Variants in CCBE1 observed in about 807,000 individuals in gnomAD.
CCBE1 encodes collagen and calcium-binding EGF domain-containing protein 1.
Under a neutral mutation model 50.0 loss-of-function variants are expected in CCBE1, and 37 were observed. The ratio of observed to expected loss-of-function variants is 0.74; its 90% CI spans 0.57 to 0.97. The LOEUF is 0.97. Among genes scored for constraint, CCBE1 ranks in the 50% least tolerant of loss-of-function variants. The probability of loss-of-function intolerance (pLI) is 0.00; values close to 1 mark genes in which losing one functional copy is unlikely to be tolerated. For synonymous variants in CCBE1, 234 were observed against 203.7 expected, an observed-to-expected ratio of 1.15 and a Z score of -1.27; for missense variants, 538 against 523.8, an observed-to-expected ratio of 1.03 and a Z score of -0.26.
chr18:59,491,362 T>C (rs1483241319), intron 2 of CCBE1, among the ~76,000 whole-genome samples: 1 of 152,210 alleles, frequency 6.6e-6, no homozygotes, highest in East Asian at 1.9e-4. Flanking sequence ...TTGTAGGATT[T>C]ATACCCTCAC....
At chr18:59,452,056 G>A (rs907852695) in intron 6 of CCBE1, among the ~76,000 whole-genome samples, 1 of 152,154 alleles carries the variant, frequency 6.6e-6, no homozygotes, top group Non-Finnish European at 1.5e-5. Flanking sequence ...GGTCCTTTAA[G>A]TTTCCTGTTG....
At chr18:59,523,853 C>T (rs1422016598) in intron 2 of CCBE1, among the ~76,000 whole-genome samples, 1 of 152,194 alleles carries the variant, frequency 6.6e-6, no homozygotes, top group Admixed American at 6.5e-5. Context: ...TTGTGCAGCA[C>T]AGCCTTCTGC....
At chr18:59,654,279 C>T (rs970001603) in intron 2 of CCBE1, among the ~76,000 whole-genome samples, 1 of 152,146 alleles carries the variant, frequency 6.6e-6, no homozygotes, top group Non-Finnish European at 1.5e-5. Context: ...AAAGCCTACC[C>T]AGCACAGGTT....
At chr18:59,601,901 GT>G (rs1022476563) in intron 2 of CCBE1, among the ~76,000 whole-genome samples, 4 of 152,100 alleles carry the variant, frequency 2.6e-5, no homozygotes, top group Non-Finnish European at 5.9e-5. Flanking sequence ...GTCACTATTA[GT>G]TTTTCCAAAA....
chr18:59,680,672 C>A (rs1345860893), intron 2 of CCBE1, among the ~76,000 whole-genome samples: 2 of 151,282 alleles, frequency 1.3e-5, no homozygotes, highest in Non-Finnish European at 2.9e-5. Flanking sequence ...GCACTCCAGC[C>A]TGGGAGACAG....
chr18:59,531,164 G>A (rs1915032581), intron 2 of CCBE1, among the ~76,000 whole-genome samples: 1 of 152,172 alleles, frequency 6.6e-6, no homozygotes, highest in East Asian at 1.9e-4. Context: ...TGAATGATCT[G>A]ATATTCCCCA....
At chr18:59,593,001 C>T (rs187447390) in intron 2 of CCBE1, among the ~76,000 whole-genome samples, 10 of 152,122 alleles carry the variant, frequency 6.6e-5, no homozygotes, top group Non-Finnish European at 7.4e-5. Flanking sequence ...ATCAGTGATG[C>T]GTACATGGGC....
chr18:59,449,043 C>A (rs1910810806), intron 6 of CCBE1, among the ~76,000 whole-genome samples: 1 of 152,114 alleles, frequency 6.6e-6, no homozygotes, highest in African/African-American at 2.4e-5. Context: ...GGCAGTGGGT[C>A]AACACTGGCA....
intron 2 of CCBE1, among the ~76,000 whole-genome samples, chr18:59,655,044 A>C (rs946724797): frequency 6.7e-6 from 1 of 149,580 alleles, no homozygotes; most frequent in Non-Finnish European, 1.5e-5. Flanking sequence ...CCAAGATCGC[A>C]CCACTGCATT....
intron 2 of CCBE1, among the ~76,000 whole-genome samples, chr18:59,641,563 A>G (rs2053991364): frequency 6.6e-6 from 1 of 152,176 alleles, no homozygotes; most frequent in Non-Finnish European, 1.5e-5. Context: ...AGATTTACCT[A>G]TATAAACAAA....
At chr18:59,521,346 T>C (rs1914590086) in intron 2 of CCBE1, among the ~76,000 whole-genome samples, 1 of 152,236 alleles carries the variant, frequency 6.6e-6, no homozygotes. Flanking sequence ...GGTTCTTGGT[T>C]GTGGTGACAA....
In CCBE1 at chr18:59,469,711, G is replaced by C. The variant is rs650033; in HGVS notation, c.266-104C>G. The C allele has an allele frequency of 1.2e-4, 180 of 1,444,944 alleles. 1 individual carries two copies. The South Asian group carries it at 2.0e-3, about 16-fold the overall frequency. 89.5% of individuals were successfully genotyped at this position (1,444,944 alleles called of 1,614,324 possible). On this transcript the variant is annotated intron_variant, in intron 3 of 10. Coordinates refer to ENST00000439986, the MANE Select transcript of CCBE1 (RefSeq NM_133459.4). Reference sequence around the variant, plus strand: ...TGGGCTGGGCTCTGCTCAAGGGCACGTGTGAAGTGTGGACAGATATACTTG... The same window carrying C: ...TGGGCTGGGCTCTGCTCAAGGGCACCTGTGAAGTGTGGACAGATATACTTG...
At chr18:59,579,493 T>C (rs1568216210) in intron 2 of CCBE1, among the ~76,000 whole-genome samples, 2 of 152,198 alleles carry the variant, frequency 1.3e-5, no homozygotes, top group Non-Finnish European at 2.9e-5. Context: ...TTAAAAAGCT[T>C]TTCAATGTGC....
At chr18:59,697,047 G>A (rs1442283356) in intron 1 of CCBE1, among the ~76,000 whole-genome samples, 165 bp downstream of exon 1, 1 of 152,212 alleles carries the variant, frequency 6.6e-6, no homozygotes, top group Non-Finnish European at 1.5e-5. Flanking sequence ...ACCCGGGAGC[G>A]GAGGGAAGTG....
At chr18:59,671,629 C>T (rs2054432843) in intron 2 of CCBE1, among the ~76,000 whole-genome samples, 3 of 151,912 alleles carry the variant, frequency 2.0e-5, no homozygotes. Flanking sequence ...CAAAGACCAG[C>T]AACTGTGGGA....
intron 2 of CCBE1, among the ~76,000 whole-genome samples, chr18:59,502,368 A>G (rs1040708787): frequency 6.6e-6 from 1 of 152,182 alleles, no homozygotes; most frequent in Non-Finnish European, 1.5e-5. Context: ...GGTAAGAGTC[A>G]TATGTGTGTC....
intron 2 of CCBE1, among the ~76,000 whole-genome samples, chr18:59,581,665 C>T (rs764879718): frequency 1.4e-4 from 21 of 152,116 alleles, no homozygotes; most frequent in Non-Finnish European, 1.9e-4. Context: ...ATACACCAAC[C>T]ACTACAGCAT....
At chr18:59,479,972 A>T (rs988113875) in intron 3 of CCBE1, among the ~76,000 whole-genome samples, 1 of 152,230 alleles carries the variant, frequency 6.6e-6, no homozygotes, top group African/African-American at 2.4e-5. Context: ...GAATGACTCA[A>T]TGTGTGCAAG....
intron 2 of CCBE1, among the ~76,000 whole-genome samples, chr18:59,559,011 G>T (rs2052693448): frequency 6.6e-6 from 1 of 152,210 alleles, no homozygotes; most frequent in Non-Finnish European, 1.5e-5. Flanking sequence ...TGGACCCCGG[G>T]ATCTGACAAT....
Sources: allele counts gnomAD v4.1 joint callset (sites outside exome capture counted in the v4.1 genomes callset), GRCh38; gene constraint gnomAD v4.1.1; transcripts MANE v1.5; gene names NCBI Gene and HGNC (gene_info 2026-07-23, HGNC 2026-07-21).